GTF2F2: variants seen among roughly 807,000 people sequenced by gnomAD.
GTF2F2 encodes general transcription factor IIF subunit 2, also known as ATP-dependent helicase GTF2F2.
A neutral mutation model predicts 42.2 loss-of-function variants in GTF2F2; 23 were observed. The observed-to-expected ratio is 0.55, with a 90% CI of 0.39 to 0.77. The LOEUF is 0.77. Ranked by LOEUF, GTF2F2 falls within the 30% of genes least tolerant of loss-of-function variation. The pLI is 0.00. For missense variants in GTF2F2, 261 were observed against 287.2 expected (o/e 0.91, Z 0.66); for synonymous variants, 105 against 100.8 (o/e 1.04, Z -0.25).
At chr13:45,248,252 T>C (rs189093118) in intron 5 of GTF2F2, among the ~76,000 whole-genome samples, 136 of 152,318 alleles carry the variant, frequency 8.9e-4, no homozygotes, top group African/African-American at 2.6e-3. Flanking sequence ...CAAATAGATA[T>C]GCGTGATTTA....
intron 1 of GTF2F2, among the ~76,000 whole-genome samples, chr13:45,127,938 CTTTTTTTTTTTTTTTTT>C (rs1161627204): frequency 8.6e-4 from 42 of 48,602 alleles, no homozygotes; most frequent in African/African-American, 2.6e-3. Flanking sequence ...GCACCCCGGC[CTTTTTTTTTTTTTTTTT>C]TTTTTTTTTT....
intron 7 of GTF2F2, among the ~76,000 whole-genome samples, chr13:45,269,430 G>A (rs1343437404): frequency 3.9e-5 from 6 of 152,176 alleles, no homozygotes; most frequent in Non-Finnish European, 7.4e-5. Context: ...TCCTAGAGGA[G>A]AGGGCAGGAA....
chr13:45,261,588 A>G (rs1052202425), intron 6 of GTF2F2, among the ~76,000 whole-genome samples: 17 of 152,276 alleles, frequency 1.1e-4, no homozygotes, highest in African/African-American at 4.1e-4. Context: ...CATTGGATAG[A>G]AGATTGGTAA....
intron 4 of GTF2F2, among the ~76,000 whole-genome samples, chr13:45,176,751 G>C (rs1469883551): frequency 6.6e-6 from 1 of 151,588 alleles, no homozygotes; most frequent in Admixed American, 6.6e-5. Flanking sequence ...CTTCACATTT[G>C]CATCTGTGGT....
At chr13:45,235,334 A>G (rs1037764477) in intron 5 of GTF2F2, among the ~76,000 whole-genome samples, 10 of 152,120 alleles carry the variant, frequency 6.6e-5, no homozygotes. Flanking sequence ...ATCCTTAATG[A>G]ATACATTTCA....
At chr13:45,121,636 T>C (rs1382571779) in intron 1 of GTF2F2, among the ~76,000 whole-genome samples, 2 of 152,238 alleles carry the variant, frequency 1.3e-5, no homozygotes, top group African/African-American at 4.8e-5. Context: ...TGTGTTCATA[T>C]GTTCAAAGTT....
At chr13:45,191,224 A>AAAAT in intron 4 of GTF2F2, among the ~76,000 whole-genome samples, 1,957 of 75,212 alleles carry the variant, frequency 0.026, 44 homozygotes, top group Non-Finnish European at 0.03. Flanking sequence ...ACAAAAAAAA[A>AAAAT]ATATATATAT....
rs202167638 is a variant in GTF2F2 at position 45,120,716 on chromosome 13, G to C, written c.61G>C (p.Val21Leu). 1 of 1,555,028 alleles carries C rather than the reference G, an allele frequency of 6.4e-7. No homozygotes were observed. Among genetic ancestry groups the C allele is most frequent in the African/African-American group, 1.4e-5 (1 of 73,528 alleles). The change falls in exon 1 of 8, where the codon GTC becomes CTC. Residue 21 changes from valine (V) to leucine (L), a missense_variant. Coordinates refer to ENST00000340473, the MANE Select transcript of GTF2F2 (RefSeq NM_004128.3). ...CAAACAGAACACAGGAGTGTGGCTA[G>C]TCAAGGTAATGTTCGCGAGTCTCCC... is the stretch of plus-strand genomic sequence containing the variant. ...GAKQNTGVWL[V>L]KVPKYLSQQW...
chr13:45,150,762 T>C (rs2138118766), intron 3 of GTF2F2, among the ~76,000 whole-genome samples: 1 of 149,900 alleles, frequency 6.7e-6, no homozygotes, highest in Non-Finnish European at 1.5e-5. Context: ...CAGGCTGGTC[T>C]CAATCTCCTG....
At chr13:45,155,106 C>G (rs79115038) in intron 4 of GTF2F2, among the ~76,000 whole-genome samples, 1 of 152,110 alleles carries the variant, frequency 6.6e-6, no homozygotes, top group Non-Finnish European at 1.5e-5. Context: ...TATGTGCGTT[C>G]TTTTCTATAG....
At chr13:45,273,332 T>C (rs1876883124) in intron 7 of GTF2F2, among the ~76,000 whole-genome samples, 1 of 152,108 alleles carries the variant, frequency 6.6e-6, no homozygotes. Flanking sequence ...TGCCTCAGCC[T>C]CCAGAAGTGC....
At chr13:45,221,418 C>G (rs1335550344) in intron 5 of GTF2F2, among the ~76,000 whole-genome samples, 1 of 152,110 alleles carries the variant, frequency 6.6e-6, no homozygotes, top group South Asian at 2.1e-4. Context: ...GCCTTTTGTT[C>G]ATACATTATT....
intron 4 of GTF2F2, among the ~76,000 whole-genome samples, chr13:45,176,433 AATTT>A (rs1252004064): frequency 4.6e-5 from 7 of 152,018 alleles, no homozygotes; most frequent in Admixed American, 4.6e-4. Context: ...TTTACATTTG[AATTT>A]ATTTTGAGAG....
At chr13:45,275,301 TTTATTA>T (rs374043984) in intron 7 of GTF2F2, among the ~76,000 whole-genome samples, 38 of 151,620 alleles carry the variant, frequency 2.5e-4, no homozygotes, top group South Asian at 2.3e-3. Flanking sequence ...TAAAATGGTG[TTTATTA>T]TTATTATTAT....
intron 1 of GTF2F2, chr13:45,124,020 T>C (rs542223045): frequency 1.2e-5 from 14 of 1,125,848 alleles, no homozygotes; most frequent in African/African-American, 1.2e-4. Flanking sequence ...TCTTACTCCT[T>C]AGAGGCCATG....
intron 5 of GTF2F2, among the ~76,000 whole-genome samples, chr13:45,239,528 G>T (rs947222012): frequency 6.6e-6 from 1 of 152,190 alleles, no homozygotes; most frequent in Non-Finnish European, 1.5e-5. Context: ...GACTCCATTA[G>T]TCTGTCATCT....
At chr13:45,239,336 T>A (rs1203781475) in intron 5 of GTF2F2, among the ~76,000 whole-genome samples, 1 of 152,246 alleles carries the variant, frequency 6.6e-6, no homozygotes, top group Non-Finnish European at 1.5e-5. Context: ...TTTTGGACTG[T>A]TTAGTGGAAA....
At chr13:45,275,174 T>C (rs1876979291) in intron 7 of GTF2F2, among the ~76,000 whole-genome samples, 1 of 152,188 alleles carries the variant, frequency 6.6e-6, no homozygotes. Context: ...TTAGACATAA[T>C]ATTTTTATGT....
intron 5 of GTF2F2, among the ~76,000 whole-genome samples, chr13:45,213,795 CACTT>C (rs1357962865): frequency 1.3e-5 from 2 of 152,036 alleles, no homozygotes; most frequent in East Asian, 3.9e-4. Context: ...TTTTTATTTG[CACTT>C]ACTTGAAACC....
Sources: gnomAD v4.1 joint callset for allele counts (sites outside exome capture counted in the v4.1 genomes callset) on GRCh38, gnomAD v4.1.1 for gene constraint, MANE v1.5 for transcripts, NCBI Gene and HGNC (gene_info 2026-07-23, HGNC 2026-07-21) for gene names.